The following NRP1 variants were observed in gnomAD, a reference collection of about 807,000 sequenced individuals.
NRP1 encodes the protein neuropilin 1.
Under a neutral mutation model 106.7 loss-of-function variants are expected in NRP1, and 35 were observed. The ratio of observed to expected loss-of-function variants is 0.33; its 90% CI spans 0.25 to 0.43. The LOEUF is 0.43. NRP1 is among the 20% of genes least tolerant of loss of function. NRP1 has a pLI of 1.00. For synonymous variants in NRP1, 437 were observed against 417.9 expected, an observed-to-expected ratio of 1.05 and a Z score of -0.56; for missense variants, 1,024 against 1,170.4, an observed-to-expected ratio of 0.87 and a Z score of 1.83.
At chr10:33,217,427 A>G (rs1171663870) in intron 8 of NRP1, among the ~76,000 whole-genome samples, 3 of 152,132 alleles carry the variant, frequency 2.0e-5, no homozygotes, top group Non-Finnish European at 4.4e-5. Context: ...ACTGAAAACT[A>G]TGTGACTCAC....
chr10:33,247,398 C>A (rs1404245896), intron 6 of NRP1, among the ~76,000 whole-genome samples: 1 of 152,204 alleles, frequency 6.6e-6, no homozygotes, highest in East Asian at 1.9e-4. Flanking sequence ...TTGTAACAGG[C>A]AATTCAAATT....
At chr10:33,302,836 A>G (rs1185734208) in intron 2 of NRP1, among the ~76,000 whole-genome samples, 3 of 152,180 alleles carry the variant, frequency 2.0e-5, no homozygotes, top group African/African-American at 7.2e-5. Context: ...TCCACCAAAA[A>G]AGTTTAGTTT....
At chr10:33,215,800 C>A (rs1400081833) in intron 8 of NRP1, among the ~76,000 whole-genome samples, 1 of 152,148 alleles carries the variant, frequency 6.6e-6, no homozygotes, top group Admixed American at 6.5e-5. Flanking sequence ...ACATTCAGTG[C>A]CTTCTTGTCT....
chr10:33,281,571 C>T (rs900380845), intron 2 of NRP1, among the ~76,000 whole-genome samples: 18 of 152,170 alleles, frequency 1.2e-4, no homozygotes, highest in African/African-American at 3.4e-4. Context: ...TGACATCTAC[C>T]TGACATCTGG....
At position 33,221,861 on chromosome 10, in the gene NRP1, G is replaced by T; in HGVS notation, c.1140C>A (p.Leu380=). 1 of 1,606,044 alleles carries T rather than the reference G, an allele frequency of 6.2e-7. No individual in the cohort carries two copies. Among genetic ancestry groups the T allele is most frequent in the Non-Finnish European group, 8.5e-7 (1 of 1,173,184 alleles). Residue 380 remains leucine (L), a splice_region_variant and synonymous_variant, in exon 8 of 17, where the codon CTC becomes CTA. Coordinates refer to ENST00000374867, the MANE Select transcript of NRP1 (RefSeq NM_003873.7). ...CTGTGGGGTTGGTGTTTCCCTGAAA[G>T]AGCTGTATGGGGAAAAAAAGTGCCT... ...ITIKEGNKPV[L]FQGNTNPTDV...
chr10:33,270,602 C>T lies in NRP1; in HGVS notation c.430+73G>A, dbSNP rs542828316. 7.9e-5 allele frequency: 106 copies of T among 1,345,632 alleles called. No individual in the cohort carries two copies. The African/African-American group carries it at 1.5e-3, about 19-fold the overall frequency. The allele number at this position is 1,345,632 out of a possible 1,614,324, so 83.4% of individuals were successfully genotyped here. A position where few individuals can be genotyped will look rare whatever the true frequency, so the allele number is the denominator to read the frequency against. On this transcript the variant is annotated intron_variant, in intron 3 of 16. Coordinates refer to ENST00000374867, the MANE Select transcript of NRP1 (RefSeq NM_003873.7). Reference sequence around the variant, plus strand: ...TCGGCCTCCCAAAGTGCTGAGATTACAGGGGTGAGCCACCACACTCGGCCT... The same window carrying T: ...TCGGCCTCCCAAAGTGCTGAGATTATAGGGGTGAGCCACCACACTCGGCCT...
intron 13 of NRP1, among the ~76,000 whole-genome samples, chr10:33,191,977 CAAAAAAA>C (rs58214479): frequency 0.042 from 3,048 of 71,720 alleles, 117 homozygotes; most frequent in African/African-American, 0.11. Context: ...GACTCCATTT[CAAAAAAA>C]AAAAAAAAAA....
At chr10:33,187,633 C>T (rs942937761) in intron 13 of NRP1, among the ~76,000 whole-genome samples, 1 of 152,304 alleles carries the variant, frequency 6.6e-6, no homozygotes, top group East Asian at 1.9e-4. Flanking sequence ...CCTCCTGCCA[C>T]CACCTGGTCA....
At chr10:33,323,950 C>A (rs10827235) in intron 2 of NRP1, among the ~76,000 whole-genome samples, 1 of 152,082 alleles carries the variant, frequency 6.6e-6, no homozygotes, top group Non-Finnish European at 1.5e-5. Flanking sequence ...TGCCTGCTCC[C>A]TAAAGTGAAA....
chr10:33,284,736 G>A (rs1303262657), intron 2 of NRP1, among the ~76,000 whole-genome samples: 1 of 152,042 alleles, frequency 6.6e-6, no homozygotes, highest in Non-Finnish European at 1.5e-5. Context: ...TTCTTTTCAT[G>A]AATATTCACA....
At chr10:33,259,887 C>T (rs1285818266) in intron 4 of NRP1, among the ~76,000 whole-genome samples, 2 of 152,086 alleles carry the variant, frequency 1.3e-5, no homozygotes, top group African/African-American at 2.4e-5. Context: ...GGGTGTCTCA[C>T]TCTGTTGCCC....
chr10:33,247,953 C>T (rs1248662322), intron 6 of NRP1, among the ~76,000 whole-genome samples: 1 of 152,170 alleles, frequency 6.6e-6, no homozygotes, highest in African/African-American at 2.4e-5. Flanking sequence ...AATCTCTGGT[C>T]AACTGACCTC....
At chr10:33,317,756 T>A (rs558256557) in intron 2 of NRP1, among the ~76,000 whole-genome samples, 1 of 152,314 alleles carries the variant, frequency 6.6e-6, no homozygotes, top group East Asian at 1.9e-4. Flanking sequence ...AAATAGCATC[T>A]TCTATGAGGT....
chr10:33,261,265 C>A (rs1342336248), intron 4 of NRP1, among the ~76,000 whole-genome samples: 1 of 152,120 alleles, frequency 6.6e-6, no homozygotes, highest in African/African-American at 2.4e-5. Flanking sequence ...CTTTGAAAAA[C>A]CCTTGACACT....
chr10:33,218,200 A>C (rs1253281153), intron 8 of NRP1, among the ~76,000 whole-genome samples: 1 of 152,212 alleles, frequency 6.6e-6, no homozygotes, highest in Non-Finnish European at 1.5e-5. Flanking sequence ...AAAATGATGA[A>C]GCCTACTTTG....
At chr10:33,319,480 C>G (rs1847298299) in intron 2 of NRP1, among the ~76,000 whole-genome samples, 1 of 152,014 alleles carries the variant, frequency 6.6e-6, no homozygotes, top group Non-Finnish European at 1.5e-5. Flanking sequence ...CTGCTCAGGT[C>G]CCCTTCCAGG....
chr10:33,229,516 T>C (rs756081697), intron 6 of NRP1, among the ~76,000 whole-genome samples: 2 of 152,224 alleles, frequency 1.3e-5, no homozygotes, highest in Non-Finnish European at 1.5e-5. Context: ...AACTTACAGA[T>C]GGCTCTTTAG....
At chr10:33,255,159 G>T (rs372195430) in intron 5 of NRP1, among the ~76,000 whole-genome samples, 1 of 152,156 alleles carries the variant, frequency 6.6e-6, no homozygotes, top group East Asian at 1.9e-4. Flanking sequence ...ATCAATAACA[G>T]ATAAGGTTTT....
chr10:33,304,028 A>G (rs1273839423), intron 2 of NRP1, among the ~76,000 whole-genome samples: 2 of 152,190 alleles, frequency 1.3e-5, no homozygotes, highest in African/African-American at 2.4e-5. Flanking sequence ...CCTTCAAGCT[A>G]TAAATTGGGG....
Sources: gnomAD v4.1 joint callset for allele counts (sites outside exome capture counted in the v4.1 genomes callset) on GRCh38, gnomAD v4.1.1 for gene constraint, MANE v1.5 for transcripts, NCBI Gene and HGNC (gene_info 2026-07-23, HGNC 2026-07-21) for gene names.